TUSC3: variants seen among roughly 807,000 people sequenced by gnomAD.
TUSC3 encodes the protein dolichyl-diphosphooligosaccharide--protein glycosyltransferase subunit TUSC3.
Under a neutral mutation model 44.8 loss-of-function variants are expected in TUSC3, and 45 were observed. That is an observed-to-expected ratio of 1.00 (90% CI 0.79 to 1.29). TUSC3 has a LOEUF of 1.29. Ranked by LOEUF, TUSC3 falls within the 50% of genes most tolerant of loss-of-function variation. TUSC3 has a pLI of 0.00. For missense variants in TUSC3, 519 were observed against 437.9 expected, an observed-to-expected ratio of 1.19 and a Z score of -1.65; for synonymous variants, 212 against 152.9, an observed-to-expected ratio of 1.39 and a Z score of -2.85.
intron 2 of TUSC3, among the ~76,000 whole-genome samples, chr8:15,493,612 G>A (rs1044513143): frequency 2.0e-5 from 3 of 152,088 alleles, no homozygotes; most frequent in Non-Finnish European, 4.4e-5. Flanking sequence ...CAAACATTTG[G>A]TACTGGAACT....
At chr8:15,825,516 G>T in the TUSC3 span, among the ~76,000 whole-genome samples, 1 of 152,072 alleles carries the variant, frequency 6.6e-6, no homozygotes, top group Non-Finnish European at 1.5e-5. Context: ...CAACATGAAG[G>T]AATTATGGGA....
intron 1 of TUSC3, among the ~76,000 whole-genome samples, chr8:15,463,043 C>T (rs1426578977): frequency 6.6e-6 from 1 of 151,974 alleles, no homozygotes; most frequent in East Asian, 1.9e-4. Context: ...TCATCTTCCT[C>T]CCCTTTTCCT....
At chr8:15,713,824 A>G (rs556510682) in intron 6 of TUSC3, among the ~76,000 whole-genome samples, 12 of 152,096 alleles carry the variant, frequency 7.9e-5, no homozygotes, top group Non-Finnish European at 1.2e-4. Flanking sequence ...GGGGTTTTGG[A>G]CTTAGGCATT....
At chr8:15,704,695 A>G (rs1472416073) in intron 6 of TUSC3, among the ~76,000 whole-genome samples, 1 of 151,904 alleles carries the variant, frequency 6.6e-6, no homozygotes, top group East Asian at 1.9e-4. Context: ...CTGTCTGTAC[A>G]TCCAATCCTA....
At chr8:15,730,573 T>C in intron 6 of TUSC3, 93 bp from the exon 7 acceptor site, 1 of 1,238,468 alleles carries the variant, frequency 8.1e-7, no homozygotes, top group South Asian at 1.3e-5. Context: ...AAAATCGAAT[T>C]AGATTTTTCC....
chr8:15,438,765 T>C (rs550426630), intron 1 of TUSC3, among the ~76,000 whole-genome samples: 119 of 152,264 alleles, frequency 7.8e-4, no homozygotes, highest in Admixed American at 1.3e-3. Flanking sequence ...CTGAAAAATA[T>C]ATTGGGTAAA....
At chr8:15,569,939 G>A (rs1975057) in intron 1 of TUSC3, among the ~76,000 whole-genome samples, 126,913 of 151,954 alleles carry the variant, frequency 0.84, 53,283 homozygotes, top group Non-Finnish European at 0.87. Flanking sequence ...TTGTCATACT[G>A]CTTCAGTCAC....
chr8:15,689,417 G>T (rs1017451391), intron 6 of TUSC3: 43 of 204,242 alleles, frequency 2.1e-4, no homozygotes, highest in African/African-American at 1.0e-3. Context: ...CGACCTTGTT[G>T]TTCTTGATAC....
the TUSC3 span, among the ~76,000 whole-genome samples, chr8:15,796,231 G>C: frequency 5.9e-5 from 9 of 152,188 alleles, no homozygotes; most frequent in African/African-American, 2.2e-4. Flanking sequence ...TGCAAGCTGA[G>C]TCAGCTGCTT....
intron 1 of TUSC3, among the ~76,000 whole-genome samples, chr8:15,584,234 T>G (rs928433556): frequency 6.6e-6 from 1 of 152,206 alleles, no homozygotes; most frequent in Non-Finnish European, 1.5e-5. Flanking sequence ...TGTAGTTAGT[T>G]ATAAAATTAT....
chr8:15,575,178 A>T lies in TUSC3; in HGVS notation c.138+34610A>T, dbSNP rs946216113. On this transcript the variant is annotated intron_variant, in intron 1 of 10. Transcript: ENST00000503731. ...ATAGATGTATTTTTTTTGCATATAAACCTATACTACTTTATGTTTGGAATT... is the reference window on the plus strand; with the variant it reads ...ATAGATGTATTTTTTTTGCATATAATCCTATACTACTTTATGTTTGGAATT... 3.3e-5 allele frequency among the ~76,000 whole-genome samples: 5 copies of T among 152,100 alleles called. No homozygotes were observed. The East Asian group carries it at 9.6e-4, about 29-fold the overall frequency.
At chr8:15,721,872 A>T (rs1810316663) in intron 6 of TUSC3, among the ~76,000 whole-genome samples, 1 of 151,976 alleles carries the variant, frequency 6.6e-6, no homozygotes, top group South Asian at 2.1e-4. Flanking sequence ...GTAGAATGAG[A>T]AGCTCTCTAA....
intron 1 of TUSC3, among the ~76,000 whole-genome samples, chr8:15,447,990 A>G (rs1166831315): frequency 1.3e-5 from 2 of 151,162 alleles, no homozygotes; most frequent in Non-Finnish European, 2.9e-5. Context: ...CTACAGTCAC[A>G]CTAGCAATAT....
intron 1 of TUSC3, among the ~76,000 whole-genome samples, chr8:15,424,506 G>A (rs1411250244): frequency 6.6e-6 from 1 of 152,088 alleles, no homozygotes; most frequent in African/African-American, 2.4e-5. Flanking sequence ...TAACGTTTCT[G>A]GGCAAACAAA....
At chr8:15,556,525 G>A (rs949553404) in intron 1 of TUSC3, among the ~76,000 whole-genome samples, 17 of 150,478 alleles carry the variant, frequency 1.1e-4, no homozygotes, top group African/African-American at 3.4e-4. Context: ...ACCCAGTAAT[G>A]GGATGGCTGG....
In TUSC3 at chr8:15,720,056, C is replaced by A. The variant is rs548994418; in HGVS notation, c.799-10610C>A. 4.6e-5 allele frequency among the ~76,000 whole-genome samples: 7 copies of A among 152,092 alleles called. No individual in the cohort carries two copies. The South Asian group carries it at 1.5e-3, about 32-fold the overall frequency. Reference sequence around the variant, plus strand: ...GCCTCAGCATGTTGAGTAGCTGGGACTAGAGGCACTTGCCACCACACTCAA... The same window carrying A: ...GCCTCAGCATGTTGAGTAGCTGGGAATAGAGGCACTTGCCACCACACTCAA... On this transcript the variant is annotated intron_variant, in intron 6 of 10. Transcript: ENST00000503731.
chr8:15,603,353 G>A (rs1394104915), intron 1 of TUSC3, among the ~76,000 whole-genome samples: 1 of 151,642 alleles, frequency 6.6e-6, no homozygotes, highest in East Asian at 1.9e-4. Flanking sequence ...AATGCAAAAA[G>A]TCTGACAGTG....
intron 2 of TUSC3, among the ~76,000 whole-genome samples, chr8:15,492,892 G>A (rs997629264): frequency 6.6e-6 from 1 of 151,818 alleles, no homozygotes; most frequent in Admixed American, 6.6e-5. Context: ...ATTATCTAGT[G>A]ATAATTATCT....
intron 1 of TUSC3, among the ~76,000 whole-genome samples, chr8:15,552,645 C>A (rs1342130382): frequency 6.6e-6 from 1 of 151,552 alleles, no homozygotes; most frequent in Non-Finnish European, 1.5e-5. Context: ...TTAGAATACA[C>A]AGGGTGGGGG....
Sources: allele counts gnomAD v4.1 joint callset (sites outside exome capture counted in the v4.1 genomes callset), GRCh38; gene constraint gnomAD v4.1.1; transcripts MANE v1.5; gene names NCBI Gene and HGNC (gene_info 2026-07-23, HGNC 2026-07-21).